IL27: variants seen among roughly 807,000 people sequenced by gnomAD.
IL27 encodes interleukin 27, also known as interleukin-27 subunit alpha.
Under a neutral mutation model 27.0 loss-of-function variants are expected in IL27, and 11 were observed. That is an observed-to-expected ratio of 0.41 (90% CI 0.26 to 0.67). IL27 has a LOEUF of 0.67. Among genes scored for constraint, IL27 ranks in the 30% least tolerant of loss-of-function variants. The probability of loss-of-function intolerance (pLI) is 0.34; values close to 1 mark genes in which losing one functional copy is unlikely to be tolerated. For missense variants in IL27, 299 were observed against 310.4 expected, an observed-to-expected ratio of 0.96 and a Z score of 0.28; for synonymous variants, 134 against 140.6, an observed-to-expected ratio of 0.95 and a Z score of 0.33.
intron 3 of IL27, among the ~76,000 whole-genome samples, chr16:28,502,578 C>T (rs1057363596): frequency 1.3e-5 from 2 of 151,964 alleles, no homozygotes; most frequent in African/African-American, 4.8e-5. Flanking sequence ...TCATTCCTAA[C>T]CCTATTCCAT....
chr16:28,506,690 C>G, intron 1 of IL27, 91 bp downstream of exon 1: 2 of 1,316,934 alleles, frequency 1.5e-6, no homozygotes, highest in East Asian at 2.5e-5. Context: ...AGTTGCTGCT[C>G]TCAGCTCTCG....
In IL27 at chr16:28,499,658, T is replaced by G. The variant is rs755248307; in HGVS notation, c.725A>C (p.Gln242Pro). ...GGGCTAAGAAGCCACCGATCAGGGC[T>G]GGGGGCTCAATGTTGGGAACCCCAA... ...WPLGFPTLSPQP is the reference protein window; with the variant it reads ...WPLGFPTLSPPP Residue 242 changes from glutamine to proline, a missense_variant, in exon 5 of 5, where the codon CAG (glutamine) becomes CCG (proline). Transcript: ENST00000356897. 1 of 1,610,612 alleles carries G rather than the reference T, an allele frequency of 6.2e-7. No homozygotes were observed. The highest frequency in any genetic ancestry group is 1.3e-5 in the African/African-American group (1 of 74,804).
chr16:28,499,728 G>T lies in IL27; in HGVS notation c.655C>A (p.Arg219=), dbSNP rs373848919. 1.9e-6 allele frequency: 3 copies of T among 1,613,390 alleles called. No homozygotes were observed. The highest frequency in any genetic ancestry group is 3.3e-5 in the Admixed American group (2 of 59,890). ...GCCTTGGACAGCAGCAGCAACTCCC[G>T]CACGGCCCGAGATAAGACGAGCTCC... The part of the protein sequence containing the change: ...SLELVLSRAV[R]ELLLLSKAGH... The change falls in exon 5 of 5, where the codon CGG becomes AGG. Residue 219 remains arginine, a synonymous_variant. Coordinates refer to ENST00000356897, the MANE Select transcript of IL27 (RefSeq NM_145659.3).
rs143234512 is a variant in IL27, at chr16:28,502,148, A to G, written c.304-14T>C. 341 of 1,579,234 alleles carry G rather than the reference A, an allele frequency of 2.2e-4. 1 individual carries two copies. The African/African-American group carries it at 3.8e-3, about 18-fold the overall frequency. On this transcript the variant is annotated splice_polypyrimidine_tract_variant and intron_variant, in intron 3 of 4. Coordinates refer to ENST00000356897, the MANE Select transcript of IL27 (RefSeq NM_145659.3). Reference sequence around the variant, plus strand: ...ACGCTCCGGGTCCTGAAGGGGAGGGAGATGGTCAGGAAAGGTCCACAGGCC... The same window carrying G: ...ACGCTCCGGGTCCTGAAGGGGAGGGGGATGGTCAGGAAAGGTCCACAGGCC...
At chr16:28,501,571 ACTCAC>A (rs763412517) in intron 4 of IL27, among the ~76,000 whole-genome samples, 893 of 69,420 alleles carry the variant, frequency 0.013, 21 homozygotes, top group Non-Finnish European at 0.011. Context: ...CCACACACAC[ACTCAC>A]AGTCACACCC....
chr16:28,501,453 C>T (rs943752762), intron 4 of IL27, among the ~76,000 whole-genome samples: 1 of 132,794 alleles, frequency 7.5e-6, no homozygotes, highest in Non-Finnish European at 1.6e-5. Flanking sequence ...CACCCACACA[C>T]TCACACACTC....
chr16:28,504,156 G>T, intron 1 of IL27, 106 bp from the exon 2 acceptor site: 1 of 1,185,116 alleles, frequency 8.4e-7, no homozygotes, highest in Non-Finnish European at 1.2e-6. Context: ...CAGGCACTTT[G>T]ACCAGCATCA....
intron 1 of IL27, among the ~76,000 whole-genome samples, chr16:28,504,602 T>G (rs1350753051): frequency 7.0e-6 from 1 of 142,424 alleles, no homozygotes; most frequent in East Asian, 2.0e-4. Context: ...TTTTTTTTTT[T>G]GAAACAGAGT....
chr16:28,505,967 C>G lies in IL27; in HGVS notation c.31+814G>C, dbSNP rs550966877. Among the ~76,000 whole-genome samples, 4 of 152,194 alleles carry G rather than the reference C, an allele frequency of 2.6e-5. No homozygotes were observed. In the East Asian group the frequency reaches 7.7e-4, roughly 29 times the overall value. ...GTGGGCGATGCCTAACGTAAGATCTCTGGCATTCAGACTCCCTGGTTTTGG... is the reference window on the plus strand; with the variant it reads ...GTGGGCGATGCCTAACGTAAGATCTGTGGCATTCAGACTCCCTGGTTTTGG... On this transcript the variant is annotated intron_variant, in intron 1 of 4. Coordinates refer to ENST00000356897, the MANE Select transcript of IL27 (RefSeq NM_145659.3).
chr16:28,502,017 T>A lies in IL27; in HGVS notation c.421A>T (p.Arg141Trp). The change falls in exon 4 of 5, where the codon AGG (arginine) becomes TGG (tryptophan). Residue 141 changes from arginine (R) to tryptophan (W), a missense_variant. Arg to Trp is a moderately radical substitution (Grantham distance 101). Transcript: ENST00000356897. ...NMERMQLWAM[R>W]LDLRDLQRHL... Reference sequence around the variant, plus strand: ...CGCTGCAGATCGCGGAGGTCCAGCCTCATGGCCCACAGCTGCATCCTCTCC... The same window carrying A: ...CGCTGCAGATCGCGGAGGTCCAGCCACATGGCCCACAGCTGCATCCTCTCC... The A allele has an allele frequency of 6.2e-7, 1 of 1,612,126 alleles. No homozygotes were observed. Among genetic ancestry groups the A allele is most frequent in the Non-Finnish European group, 8.5e-7 (1 of 1,179,898 alleles).
In IL27 at chr16:28,499,574, G is replaced by A; in HGVS notation, c.*77C>T. ...CCCTCCCTTGTCCAAGGCTGATGATGCGAAGGCTGCCCTGATGCCAAGACT... is the reference window on the plus strand; with the variant it reads ...CCCTCCCTTGTCCAAGGCTGATGATACGAAGGCTGCCCTGATGCCAAGACT... On this transcript the variant is annotated 3_prime_UTR_variant, in exon 5 of 5. Coordinates refer to ENST00000356897, the MANE Select transcript of IL27 (RefSeq NM_145659.3). 8.1e-7 allele frequency: 1 copy of A among 1,239,320 alleles called. No individual in the cohort carries two copies. The highest frequency in any genetic ancestry group is 1.1e-6 in the Non-Finnish European group (1 of 879,584). 76.8% of individuals were successfully genotyped at this position (1,239,320 alleles called of 1,614,324 possible).
Position 28,503,762 on chromosome 16 carries a change from T to TAC in IL27, c.234_235dup (p.Tyr79CysfsTer15). 1 of 1,613,516 alleles carries TAC rather than the reference T, an allele frequency of 6.2e-7. No individual in the cohort carries two copies. The highest frequency in any genetic ancestry group is 8.5e-7 in the Non-Finnish European group (1 of 1,179,722). On this transcript the variant is annotated frameshift_variant, in exon 3 of 5. Transcript: ENST00000356897. LOFTEE classifies it high-confidence loss of function. ...GAGCTGCTCTCCCAGGGGCAGGAGG[T>TAC]ACAGGTTCACTCCTGGCAGGTGAGA...
intron 1 of IL27, among the ~76,000 whole-genome samples, chr16:28,505,852 C>A (rs759147831): frequency 6.6e-6 from 1 of 152,208 alleles, no homozygotes; most frequent in Non-Finnish European, 1.5e-5. Flanking sequence ...CAATCTCTAA[C>A]CCCTGGGCTC....
chr16:28,505,925 G>A (rs1413096856), intron 1 of IL27, among the ~76,000 whole-genome samples: 3 of 152,096 alleles, frequency 2.0e-5, no homozygotes, highest in Admixed American at 6.6e-5. Context: ...TACCTCCCTC[G>A]TGGGCTTGCA....
rs201926026 is a variant in IL27 at position 28,503,792 on chromosome 16, G to T, written c.206C>A (p.Ala69Glu). ...GTTCACTCCTGGCAGGTGAGATTCC[G>T]CCTGGGGGGCAAGGTCTGTTAGTGG... ...SEVRGQAHRFAESHLPGVNLY... is the reference protein window; with the variant it reads ...SEVRGQAHRFEESHLPGVNLY... The change falls in exon 3 of 5, where the codon GCG becomes GAG. Residue 69 changes from alanine to glutamate, a missense_variant and splice_region_variant. Physicochemically the swap from Ala to Glu is moderately radical, Grantham distance 107 (BLOSUM62 -1). Transcript: ENST00000356897. 1.2e-6 allele frequency: 2 copies of T among 1,612,958 alleles called. No individual in the cohort carries two copies. Among genetic ancestry groups the T allele is most frequent in the African/African-American group, 2.7e-5 (2 of 74,932 alleles).
At position 28,499,407 on chromosome 16, in the gene IL27, G is replaced by T; in HGVS notation, c.*244C>A. 2.0e-6 allele frequency: 1 copy of T among 494,098 alleles called. No homozygotes were observed. Among genetic ancestry groups the T allele is most frequent in the Non-Finnish European group, 3.6e-6 (1 of 274,958 alleles). 30.6% of individuals were successfully genotyped at this position (494,098 alleles called of 1,614,324 possible). Reference sequence around the variant, plus strand: ...GGCACCCAGCATGGGGGCTTGGCCCGAGGAGGACCATCGGGCCCCAAGACA... The same window carrying T: ...GGCACCCAGCATGGGGGCTTGGCCCTAGGAGGACCATCGGGCCCCAAGACA... On this transcript the variant is annotated 3_prime_UTR_variant, in exon 5 of 5. Coordinates refer to ENST00000356897, the MANE Select transcript of IL27 (RefSeq NM_145659.3).
intron 3 of IL27, 40 bp downstream of exon 3, chr16:28,503,655 A>G (rs528128088): frequency 1.3e-6 from 2 of 1,485,694 alleles, no homozygotes; most frequent in East Asian, 4.5e-5. Context: ...GCCCCAGCCT[A>G]TCACAAGCTT....
chr16:28,500,437 A>C (rs1199376640), intron 4 of IL27, among the ~76,000 whole-genome samples: 1 of 151,734 alleles, frequency 6.6e-6, no homozygotes, highest in Non-Finnish European at 1.5e-5. Flanking sequence ...ACCACGCCCG[A>C]CTAATTTTTG....
intron 3 of IL27, among the ~76,000 whole-genome samples, chr16:28,502,457 C>T (rs1273682549): frequency 6.6e-6 from 1 of 152,034 alleles, no homozygotes; most frequent in Non-Finnish European, 1.5e-5. Flanking sequence ...ATACCTCCTG[C>T]CCATGTGTTT....
Sources: allele counts gnomAD v4.1 joint callset (sites outside exome capture counted in the v4.1 genomes callset), GRCh38; gene constraint gnomAD v4.1.1; transcripts MANE v1.5; gene names NCBI Gene and HGNC (gene_info 2026-07-23, HGNC 2026-07-21).